The following ADGRB3 variants were observed in gnomAD, a reference collection of about 807,000 sequenced individuals.
ADGRB3 encodes adhesion G protein-coupled receptor B3.
Under a neutral mutation model 193.4 loss-of-function variants are expected in ADGRB3, and 37 were observed. The ratio of observed to expected loss-of-function variants is 0.19; its 90% CI spans 0.15 to 0.25. The LOEUF (loss-of-function observed/expected upper bound fraction) is 0.25. ADGRB3 is among the 10% of genes least tolerant of loss of function. The pLI is 1.00. For synonymous variants in ADGRB3, 690 were observed against 644.2 expected (o/e 1.07, Z -1.08); for missense variants, 1,637 against 1,852.9 (o/e 0.88, Z 2.14).
chr6:69,232,621 G>A lies in ADGRB3; in HGVS notation c.2481-669G>A, dbSNP rs959940827. The A allele has an allele frequency of 7.2e-6, 11 of 1,535,416 alleles. No homozygotes were observed. In the Admixed American group the frequency reaches 2.2e-4, roughly 30 times the overall value. ...CTGGACTGAGTGAAGTGTGGAGTAG[G>A]AAGCTTAGGTCTGAAACCCACCCCT... On this transcript the variant is annotated intron_variant, in intron 17 of 31. Transcript: ENST00000370598.
intron 10 of ADGRB3, among the ~76,000 whole-genome samples, chr6:68,985,569 G>T (rs947643606): frequency 6.6e-6 from 1 of 152,124 alleles, no homozygotes; most frequent in East Asian, 1.9e-4. Context: ...GGTTGTGCAT[G>T]GAGGTGACCA....
rs185571032 is a variant in ADGRB3 at position 69,298,033 on chromosome 6, G to A, written c.2815-26839G>A. Among the ~76,000 whole-genome samples the A allele has an allele frequency of 5.8e-3, 888 of 152,094 alleles. 10 individuals carry two copies. The highest frequency in any genetic ancestry group is 0.02 in the African/African-American group (838 of 41,510). On this transcript the variant is annotated intron_variant, in intron 20 of 31. Transcript: ENST00000370598. ...GTTATTATTAGAGTAACATAAAAAC[G>A]CACATGCAGGCACTCAGTGGTACTA...
intron 3 of ADGRB3, among the ~76,000 whole-genome samples, chr6:68,889,756 C>T (rs1305949593): frequency 6.6e-6 from 1 of 152,090 alleles, no homozygotes; most frequent in Non-Finnish European, 1.5e-5. Context: ...CCTGCCTCGG[C>T]CTCCCAAAGT....
intron 3 of ADGRB3, among the ~76,000 whole-genome samples, chr6:68,676,152 G>A (rs1200229779): frequency 1.3e-5 from 2 of 152,034 alleles, no homozygotes; most frequent in African/African-American, 4.8e-5. Flanking sequence ...CAGCACTTTG[G>A]GAGGCTGAGA....
intron 3 of ADGRB3, among the ~76,000 whole-genome samples, chr6:68,848,860 T>G (rs1445697142): frequency 6.6e-6 from 1 of 152,034 alleles, no homozygotes; most frequent in Admixed American, 6.6e-5. Context: ...ATTAAAAATT[T>G]TCCTAAGGCG....
chr6:68,991,179 C>T (rs1423447574), intron 10 of ADGRB3, among the ~76,000 whole-genome samples: 3 of 152,104 alleles, frequency 2.0e-5, no homozygotes, highest in Non-Finnish European at 4.4e-5. Flanking sequence ...GAGTAAGTTA[C>T]ATCTTTCAAG....
At chr6:68,930,358 T>G (rs1033023070) in intron 3 of ADGRB3, among the ~76,000 whole-genome samples, 8 of 152,086 alleles carry the variant, frequency 5.3e-5, no homozygotes, top group Admixed American at 5.3e-4. Flanking sequence ...ACTATTACTG[T>G]TTTTTGAAAT....
intron 2 of ADGRB3, among the ~76,000 whole-genome samples, 188 bp downstream of exon 2, chr6:68,637,750 T>C (rs914356480): frequency 3.3e-5 from 5 of 151,970 alleles, no homozygotes; most frequent in African/African-American, 9.7e-5. Context: ...GTTGATAAGA[T>C]AATTTTTCAA....
intron 17 of ADGRB3, among the ~76,000 whole-genome samples, chr6:69,187,249 T>C (rs1353678743): frequency 1.3e-5 from 2 of 152,184 alleles, no homozygotes. Flanking sequence ...TTAATTTGAA[T>C]AATAATTTTA....
chr6:69,153,291 G>A (rs1177275212), intron 17 of ADGRB3, among the ~76,000 whole-genome samples: 1 of 152,144 alleles, frequency 6.6e-6, no homozygotes. Flanking sequence ...CCTTCTTCCT[G>A]CTTCTAAACA....
At chr6:68,737,023 C>T (rs774573114) in intron 3 of ADGRB3, among the ~76,000 whole-genome samples, 5 of 152,004 alleles carry the variant, frequency 3.3e-5, no homozygotes, top group South Asian at 2.1e-4. Context: ...ATATTACTTA[C>T]GGCTATGTTT....
At chr6:69,101,215 G>A (rs1007450327) in intron 17 of ADGRB3, among the ~76,000 whole-genome samples, 1 of 152,026 alleles carries the variant, frequency 6.6e-6, no homozygotes, top group Non-Finnish European at 1.5e-5. Context: ...TGCTTCCAGA[G>A]TGAAAAACTG....
At chr6:69,339,270 G>A in intron 25 of ADGRB3, 63 bp from the exon 26 acceptor site, 1 of 1,552,680 alleles carries the variant, frequency 6.4e-7, no homozygotes, top group Non-Finnish European at 8.7e-7. Flanking sequence ...GTTGAATGGG[G>A]GTTTGGCTAT....
chr6:69,157,493 C>A (rs1554160324), intron 17 of ADGRB3, among the ~76,000 whole-genome samples: 1 of 151,824 alleles, frequency 6.6e-6, no homozygotes, highest in African/African-American at 2.4e-5. Flanking sequence ...TTTCTTTTTT[C>A]TTGTAGACCT....
intron 17 of ADGRB3, among the ~76,000 whole-genome samples, chr6:69,137,760 G>A (rs1447344927): frequency 6.6e-6 from 1 of 152,104 alleles, no homozygotes; most frequent in Non-Finnish European, 1.5e-5. Context: ...TCACACCACT[G>A]TACTCCAGCC....
intron 11 of ADGRB3, among the ~76,000 whole-genome samples, chr6:69,001,494 T>C (rs1373222572): frequency 3.3e-5 from 5 of 151,722 alleles, no homozygotes; most frequent in African/African-American, 4.8e-5. Flanking sequence ...GATTGGTGAG[T>C]AGAGAAAGAG....
At chr6:69,008,395 G>A (rs183696026) in intron 11 of ADGRB3, among the ~76,000 whole-genome samples, 3 of 152,058 alleles carry the variant, frequency 2.0e-5, no homozygotes, top group East Asian at 1.9e-4. Flanking sequence ...ACCTTTCCTC[G>A]TTTTTTCATT....
intron 3 of ADGRB3, among the ~76,000 whole-genome samples, chr6:68,811,057 C>T (rs910298881): frequency 2.0e-5 from 3 of 151,600 alleles, no homozygotes; most frequent in Admixed American, 2.0e-4. Flanking sequence ...AATTGTTTAC[C>T]CTATGGTTTT....
chr6:69,014,275 A>G (rs1770026603), intron 12 of ADGRB3, among the ~76,000 whole-genome samples, 169 bp downstream of exon 12: 1 of 152,084 alleles, frequency 6.6e-6, no homozygotes, highest in African/African-American at 2.4e-5. Flanking sequence ...ACCAGTCTGG[A>G]AGGAATATTT....
Sources: allele counts gnomAD v4.1 joint callset (sites outside exome capture counted in the v4.1 genomes callset), GRCh38; gene constraint gnomAD v4.1.1; transcripts MANE v1.5; gene names NCBI Gene and HGNC (gene_info 2026-07-23, HGNC 2026-07-21).